The following STEAP1B variants were observed in gnomAD, a reference collection of about 807,000 sequenced individuals.
STEAP1B encodes STEAP family protein MGC87042.
A neutral mutation model predicts 27.9 loss-of-function variants in STEAP1B; 13 were observed. The observed-to-expected ratio is 0.47, with a 90% confidence interval of 0.30 to 0.74. The LOEUF (loss-of-function observed/expected upper bound fraction) is 0.74. Among genes scored for constraint, STEAP1B ranks in the 30% least tolerant of loss-of-function variants. The pLI is 0.06. For synonymous variants in STEAP1B, 86 were observed against 107.1 expected (o/e 0.80, Z 1.22); for missense variants, 250 against 298.7 (o/e 0.84, Z 1.20).
intron 4 of STEAP1B, among the ~76,000 whole-genome samples, chr7:22,427,559 C>T (rs1785124697): frequency 6.6e-6 from 1 of 152,142 alleles, no homozygotes; most frequent in African/African-American, 2.4e-5. Flanking sequence ...CATCATGGAG[C>T]TACAGTTGGA....
rs80313778 is a variant in STEAP1B, at chr7:22,473,128, C to T, written c.762+19437G>A. On this transcript the variant is annotated intron_variant, in intron 4 of 4. Coordinates refer to ENST00000678116, the MANE Select transcript of STEAP1B (RefSeq NM_001382447.1). ...TGAAAAATATAACGTGATGCATTACCGCACTGACCAGGACACCGCAAGTCA... is the reference window on the plus strand; with the variant it reads ...TGAAAAATATAACGTGATGCATTACTGCACTGACCAGGACACCGCAAGTCA... 1.4e-4 allele frequency among the ~76,000 whole-genome samples: 21 copies of T among 152,194 alleles called. No homozygotes were observed. In the East Asian group the frequency reaches 3.3e-3, roughly 24 times the overall value.
At chr7:22,493,932 T>C in intron 2 of STEAP1B, 96 bp from the exon 3 acceptor site, 2 of 1,384,362 alleles carry the variant, frequency 1.4e-6, no homozygotes, top group African/African-American at 1.6e-5. Flanking sequence ...TGCTTCTCAT[T>C]GAATAAGGGC....
At chr7:22,496,779 C>G (rs1370372371) in intron 1 of STEAP1B, among the ~76,000 whole-genome samples, 2 of 152,140 alleles carry the variant, frequency 1.3e-5, no homozygotes, top group East Asian at 3.8e-4. Context: ...GAAATCCCGC[C>G]TTACAATGAA....
chr7:22,460,903 G>A (rs1785667388), intron 4 of STEAP1B, among the ~76,000 whole-genome samples: 1 of 152,104 alleles, frequency 6.6e-6, no homozygotes, highest in African/African-American at 2.4e-5. Flanking sequence ...CCTTTTCATT[G>A]TATTACTGAC....
intron 4 of STEAP1B, among the ~76,000 whole-genome samples, chr7:22,443,310 G>C (rs1284675151): frequency 6.6e-6 from 1 of 152,156 alleles, no homozygotes; most frequent in Admixed American, 6.5e-5. Context: ...AAGGACCCAA[G>C]ATTAATTGGT....
At position 22,464,422 on chromosome 7, in the gene STEAP1B, T is replaced by C. The variant is rs182685060; in HGVS notation, c.762+28143A>G. Among the ~76,000 whole-genome samples the C allele has an allele frequency of 7.0e-4, 107 of 152,298 alleles. 1 individual carries two copies. Among genetic ancestry groups the C allele is most frequent in the African/African-American group, 2.5e-3 (102 of 41,558 alleles). ...AGTCCTACATCTGGCTGGGGACTCT[T>C]TAATACCATCAGTCTAGACACTGAG... is the stretch of plus-strand genomic sequence containing the variant. On this transcript the variant is annotated intron_variant, in intron 4 of 4. Transcript: ENST00000678116.
chr7:22,436,170 C>G (rs1461001765), intron 4 of STEAP1B, among the ~76,000 whole-genome samples: 2 of 151,644 alleles, frequency 1.3e-5, no homozygotes, highest in Non-Finnish European at 2.9e-5. Flanking sequence ...AAGGCTTATA[C>G]AGAGAAATCA....
intron 4 of STEAP1B, among the ~76,000 whole-genome samples, chr7:22,470,797 T>G (rs1785868304): frequency 6.6e-6 from 1 of 152,182 alleles, no homozygotes; most frequent in African/African-American, 2.4e-5. Context: ...GATGTTAACA[T>G]AAGCAGGAAC....
chr7:22,419,794 G>T lies in STEAP1B; in HGVS notation c.*10C>A. On this transcript the variant is annotated 3_prime_UTR_variant, in exon 5 of 5. Transcript: ENST00000678116. The stretch of plus-strand genomic sequence containing the variant: ...GTTCTCATTTCCTCTCATGTTACTG[G>T]CAGGATCTGTCACAAGGTCAGGAAG... The T allele has an allele frequency of 6.5e-7, 1 of 1,549,128 alleles. No individual in the cohort carries two copies.
At chr7:22,473,842 G>A (rs1785927530) in intron 4 of STEAP1B, among the ~76,000 whole-genome samples, 1 of 152,170 alleles carries the variant, frequency 6.6e-6, no homozygotes, top group Non-Finnish European at 1.5e-5. Flanking sequence ...GAGCTGTGAT[G>A]GTGGTGATGG....
rs1377488831 is a variant in STEAP1B at position 22,492,334 on chromosome 7, AAAAAAAAAAAAAAGG to A, written c.762+216_762+230del. 379 of 282,644 alleles carry A rather than the reference AAAAAAAAAAAAAAGG, an allele frequency of 1.3e-3. 9 individuals are homozygous for A. Among genetic ancestry groups the A allele is most frequent in the East Asian group, 0.01 (88 of 8,656 alleles). 17.5% of individuals were successfully genotyped at this position (282,644 alleles called of 1,614,324 possible). A position where few individuals can be genotyped will look rare whatever the true frequency, so the allele number is the denominator to read the frequency against. ...ACTTCATCTCCAAAAAAAAAAAAAAAAAAAAAAAAAAAAGGATATTTTAATGCTTTTTATTTATGT... is the reference window on the plus strand; with the variant it reads ...ACTTCATCTCCAAAAAAAAAAAAAAAATATTTTAATGCTTTTTATTTATGT... On this transcript the variant is annotated intron_variant, in intron 4 of 4. Transcript: ENST00000678116.
intron 4 of STEAP1B, among the ~76,000 whole-genome samples, chr7:22,430,377 C>T (rs1177741827): frequency 6.6e-6 from 1 of 152,158 alleles, no homozygotes; most frequent in African/African-American, 2.4e-5. Flanking sequence ...AACAACTATT[C>T]TCCTCCTTGT....
At chr7:22,467,121 C>T (rs567197411) in intron 4 of STEAP1B, among the ~76,000 whole-genome samples, 1 of 152,252 alleles carries the variant, frequency 6.6e-6, no homozygotes, top group South Asian at 2.1e-4. Context: ...CCAGAAGACC[C>T]CTTATTTATA....
At chr7:22,469,507 G>A (rs763182022) in intron 4 of STEAP1B, among the ~76,000 whole-genome samples, 1 of 152,182 alleles carries the variant, frequency 6.6e-6, no homozygotes, top group Non-Finnish European at 1.5e-5. Context: ...ACCCAGAGCA[G>A]CTTCCAGTCC....
chr7:22,474,815 C>T (rs1019471314), intron 4 of STEAP1B, among the ~76,000 whole-genome samples: 1 of 152,162 alleles, frequency 6.6e-6, no homozygotes, highest in Admixed American at 6.5e-5. Context: ...ACAGCTCACC[C>T]ATGCCAGTGG....
intron 4 of STEAP1B, among the ~76,000 whole-genome samples, chr7:22,469,864 A>G (rs1785850338): frequency 6.6e-6 from 1 of 152,246 alleles, no homozygotes; most frequent in South Asian, 2.1e-4. Context: ...TGGATAAAGA[A>G]GTTACAAATA....
chr7:22,465,065 A>G (rs769263833), intron 4 of STEAP1B, among the ~76,000 whole-genome samples: 83 of 149,832 alleles, frequency 5.5e-4, no homozygotes, highest in Non-Finnish European at 1.2e-3. Flanking sequence ...GCCATTATTC[A>G]GTTTATAAAA....
chr7:22,463,574 C>A (rs977822154), intron 4 of STEAP1B, among the ~76,000 whole-genome samples: 18 of 152,174 alleles, frequency 1.2e-4, no homozygotes, highest in African/African-American at 4.1e-4. Flanking sequence ...GGCTACGGTA[C>A]CCAAAACAGC....
At chr7:22,468,436 C>A (rs1342269822) in intron 4 of STEAP1B, among the ~76,000 whole-genome samples, 1 of 152,178 alleles carries the variant, frequency 6.6e-6, no homozygotes, top group African/African-American at 2.4e-5. Context: ...TTCTCATATA[C>A]TGCTGGTGGA....
Sources: allele counts gnomAD v4.1 joint callset (sites outside exome capture counted in the v4.1 genomes callset), GRCh38; gene constraint gnomAD v4.1.1; transcripts MANE v1.5; gene names NCBI Gene and HGNC (gene_info 2026-07-23, HGNC 2026-07-21).